Variants in COXFA4 observed in about 807,000 individuals in gnomAD.
COXFA4 encodes cytochrome c oxidase subunit FA4.
chr7:10,938,307 C>T, the COXFA4 span: 5 of 633,838 alleles, frequency 7.9e-6, 1 homozygote, highest in South Asian at 1.0e-4. Context: ...CTATAATAAG[C>T]AATCTCATGT....
chr7:10,936,103 T>C, the COXFA4 span, among the ~76,000 whole-genome samples: 1 of 152,182 alleles, frequency 6.6e-6, no homozygotes, highest in Non-Finnish European at 1.5e-5. Flanking sequence ...TTGTGAATGA[T>C]GGAGATAATA....
chr7:10,937,365 C>T, the COXFA4 span, among the ~76,000 whole-genome samples: 1 of 151,932 alleles, frequency 6.6e-6, no homozygotes, highest in Admixed American at 6.6e-5. Flanking sequence ...TCACTGCAAC[C>T]TCCACCTCCC....
the COXFA4 span, chr7:10,938,804 T>A: frequency 6.2e-7 from 1 of 1,611,184 alleles, no homozygotes; most frequent in Non-Finnish European, 8.5e-7. Flanking sequence ...TTTTAAGTAC[T>A]TACCAAACAT....
chr7:10,935,403 T>C, the COXFA4 span, among the ~76,000 whole-genome samples: 1 of 152,250 alleles, frequency 6.6e-6, no homozygotes, highest in African/African-American at 2.4e-5. Flanking sequence ...GAAGTATTGC[T>C]GGGCCTTTAA....
the COXFA4 span, chr7:10,940,112 C>T: frequency 3.8e-6 from 6 of 1,573,058 alleles, no homozygotes; most frequent in East Asian, 4.5e-5. Flanking sequence ...GCCACCAGGC[C>T]CTAAGCTAAA....
At chr7:10,938,572 C>A in the COXFA4 span, 1 of 464,660 alleles carries the variant, frequency 2.2e-6, no homozygotes, top group Non-Finnish European at 3.9e-6. Context: ...CAAAACATTA[C>A]AAGATTTGGT....
chr7:10,939,276 T>C, the COXFA4 span: 1 of 214,666 alleles, frequency 4.7e-6, no homozygotes, highest in Non-Finnish European at 9.5e-6. Flanking sequence ...AACAAATTCT[T>C]TGCAAATTAT....
the COXFA4 span, chr7:10,938,139 C>T: frequency 2.5e-6 from 4 of 1,612,544 alleles, no homozygotes; most frequent in Non-Finnish European, 3.4e-6. Context: ...TGGGTTATTT[C>T]TGTCCCAACT....
chr7:10,939,051 G>A, the COXFA4 span: 8 of 602,602 alleles, frequency 1.3e-5, no homozygotes, highest in East Asian at 2.9e-5. Flanking sequence ...TTACATTGAG[G>A]TAAGATTTCT....
At chr7:10,939,960 G>A in the COXFA4 span, 1 of 1,595,770 alleles carries the variant, frequency 6.3e-7, no homozygotes, top group Non-Finnish European at 8.6e-7. Context: ...AGAAAGAGGC[G>A]CACCCCGACG....
At chr7:10,939,003 T>C in the COXFA4 span, 5 of 821,224 alleles carry the variant, frequency 6.1e-6, no homozygotes, top group Admixed American at 2.0e-5. Context: ...CAAACTGTTA[T>C]TGGACTGTTT....
At chr7:10,932,242 G>A in the COXFA4 span, 3 of 152,280 alleles carry the variant, frequency 2.0e-5, no homozygotes, top group South Asian at 4.1e-4. Flanking sequence ...AAACCAAACT[G>A]TCTTTCAGAA....
the COXFA4 span, chr7:10,939,801 G>C: frequency 3.0e-6 from 2 of 660,022 alleles, no homozygotes; most frequent in Non-Finnish European, 5.4e-6. Flanking sequence ...AGCAGTGTCC[G>C]TCTCCTTCCT....
chr7:10,936,854 G>A, the COXFA4 span, among the ~76,000 whole-genome samples: 44 of 152,114 alleles, frequency 2.9e-4, 2 homozygotes, highest in African/African-American at 1.0e-3. Flanking sequence ...TGGCCAACAC[G>A]GCAAAACCCC....
At chr7:10,933,585 G>C in the COXFA4 span, 1 of 1,441,752 alleles carries the variant, frequency 6.9e-7, no homozygotes, top group Non-Finnish European at 9.7e-7. Context: ...GTGCGGATGT[G>C]GCTTCTGGAA....
the COXFA4 span, among the ~76,000 whole-genome samples, chr7:10,935,029 C>T: frequency 2.0e-5 from 3 of 152,226 alleles, no homozygotes; most frequent in East Asian, 3.8e-4. Context: ...GCCCAGGCAC[C>T]GGGCTAGATG....
the COXFA4 span, chr7:10,939,671 G>A: frequency 2.6e-6 from 1 of 379,412 alleles, no homozygotes; most frequent in African/African-American, 2.1e-5. Flanking sequence ...CCTGACCTAT[G>A]CTAGTCTCTG....
At chr7:10,938,725 C>G in the COXFA4 span, 2 of 929,872 alleles carry the variant, frequency 2.2e-6, no homozygotes, top group Non-Finnish European at 3.6e-6. Context: ...TTCTACTACC[C>G]TAATGTTATC....
the COXFA4 span, among the ~76,000 whole-genome samples, chr7:10,937,121 C>G: frequency 6.6e-6 from 1 of 152,112 alleles, no homozygotes; most frequent in African/African-American, 2.4e-5. Flanking sequence ...ACACACTGAT[C>G]GGGGACCCTG....
Sources: allele counts gnomAD v4.1 joint callset (sites outside exome capture counted in the v4.1 genomes callset), GRCh38; gene constraint gnomAD v4.1.1; transcripts MANE v1.5; gene names NCBI Gene and HGNC (gene_info 2026-07-23, HGNC 2026-07-21).